Variants in VCL observed in about 807,000 individuals in gnomAD.
VCL encodes the protein epididymis luminal protein 114.
VCL carries 47 observed loss-of-function variants against 125.7 expected under a neutral mutation model. That is an observed-to-expected ratio of 0.37 (90% CI 0.30 to 0.48). VCL has a LOEUF of 0.48. VCL is among the 20% of genes least tolerant of loss of function. The pLI is 0.99. For synonymous variants in VCL, 458 were observed against 514.6 expected (o/e 0.89, Z 1.49); for missense variants, 1,069 against 1,455.5 (o/e 0.73, Z 4.32).
At chr10:74,023,832 C>G (rs1840719633) in intron 1 of VCL, among the ~76,000 whole-genome samples, 1 of 152,164 alleles carries the variant, frequency 6.6e-6, no homozygotes, top group African/African-American at 2.4e-5. Context: ...ATTGCTGGAG[C>G]TGGTTTACAG....
intron 1 of VCL, among the ~76,000 whole-genome samples, chr10:74,018,492 C>A (rs1840602444): frequency 1.3e-5 from 2 of 151,996 alleles, no homozygotes; most frequent in Admixed American, 1.3e-4. Flanking sequence ...GAAGTTCATT[C>A]CACTTTAGAG....
chr10:74,041,997 T>C (rs1841102311), intron 1 of VCL, among the ~76,000 whole-genome samples: 1 of 152,260 alleles, frequency 6.6e-6, no homozygotes, highest in Non-Finnish European at 1.5e-5. Context: ...TTCAGGAAAT[T>C]AGAAAATAGG....
At chr10:74,005,879 T>A (rs1015650749) in intron 1 of VCL, among the ~76,000 whole-genome samples, 6 of 152,050 alleles carry the variant, frequency 3.9e-5, no homozygotes, top group African/African-American at 1.4e-4. Flanking sequence ...GTTTTTTATT[T>A]TTATTTTTAT....
At chr10:74,031,793 G>A (rs760457914) in intron 1 of VCL, among the ~76,000 whole-genome samples, 2 of 151,776 alleles carry the variant, frequency 1.3e-5, no homozygotes, top group Admixed American at 1.3e-4. Flanking sequence ...GGCCCGGCAC[G>A]GTGGCTCATG....
intron 20 of VCL, 51 bp downstream of exon 20, chr10:74,114,438 C>A: frequency 9.3e-7 from 1 of 1,078,562 alleles, no homozygotes. Context: ...TGTGTGTGTG[C>A]GTGTGTGTGT....
chr10:74,094,555 A>AAAGAACCCTTACCTAATT, intron 11 of VCL, 94 bp downstream of exon 11: 1 of 1,445,532 alleles, frequency 6.9e-7, no homozygotes, highest in Non-Finnish European at 9.5e-7. Flanking sequence ...GTAATTAGGT[A>AAAGAACCCTTACCTAATT]AGGGTTCTTT....
Position 74,029,610 on chromosome 10 carries a change from T to C in VCL, c.169-13473T>C, listed in dbSNP as rs191342610. Among the ~76,000 whole-genome samples the C allele has an allele frequency of 2.0e-5, 3 of 152,208 alleles. No individual in the cohort carries two copies. In the East Asian group the frequency reaches 5.8e-4, roughly 29 times the overall value. ...AGCTTAACATTGGTTCTAAGGAAAC[T>C]ATGTGGCATCAGATAAGCTTGCTTG... On this transcript the variant is annotated intron_variant, in intron 1 of 21. Coordinates refer to ENST00000211998, the MANE Select transcript of VCL (RefSeq NM_014000.3).
At chr10:74,093,047 A>G (rs1029380152) in intron 10 of VCL, among the ~76,000 whole-genome samples, 1 of 152,192 alleles carries the variant, frequency 6.6e-6, no homozygotes, top group Non-Finnish European at 1.5e-5. Flanking sequence ...CTGTAATCCT[A>G]GCACTTTGGG....
At chr10:74,043,578 C>T (rs796414315) in intron 2 of VCL, among the ~76,000 whole-genome samples, 1 of 151,994 alleles carries the variant, frequency 6.6e-6, no homozygotes, top group South Asian at 2.1e-4. Context: ...AACTTCCGAC[C>T]TCAGGTGATC....
chr10:74,033,472 G>A (rs928182211), intron 1 of VCL, among the ~76,000 whole-genome samples: 3 of 152,100 alleles, frequency 2.0e-5, no homozygotes, highest in African/African-American at 4.8e-5. Context: ...CTGTCTTAAC[G>A]ACACCATTAA....
intron 7 of VCL, 117 bp downstream of exon 7, chr10:74,082,661 G>T (rs1839696383): frequency 9.5e-7 from 1 of 1,049,480 alleles, no homozygotes; most frequent in Non-Finnish European, 1.5e-6. Flanking sequence ...TAACATTATG[G>T]GGCATACCCC....
intron 1 of VCL, among the ~76,000 whole-genome samples, chr10:74,040,310 C>T (rs962337244): frequency 1.3e-5 from 2 of 152,112 alleles, no homozygotes; most frequent in Non-Finnish European, 2.9e-5. Flanking sequence ...GTACCTGGCT[C>T]ATGTTGTTGT....
At chr10:74,015,309 T>C (rs1228131508) in intron 1 of VCL, among the ~76,000 whole-genome samples, 2 of 152,246 alleles carry the variant, frequency 1.3e-5, no homozygotes, top group Admixed American at 6.5e-5. Context: ...TCCCAGCACT[T>C]TGGGGGGCCC....
At chr10:74,015,727 C>T (rs757267143) in intron 1 of VCL, among the ~76,000 whole-genome samples, 2 of 151,096 alleles carry the variant, frequency 1.3e-5, no homozygotes, top group Non-Finnish European at 1.5e-5. Context: ...CTCTGTTGCC[C>T]AGGCTAGAGT....
At chr10:74,108,913 G>T (rs1840177598) in intron 17 of VCL, 58 bp from the exon 18 acceptor site, 4 of 1,604,738 alleles carry the variant, frequency 2.5e-6, no homozygotes, top group Admixed American at 1.7e-5. Flanking sequence ...AGAAAGGAAA[G>T]AATTCCAGGG....
intron 18 of VCL, among the ~76,000 whole-genome samples, chr10:74,111,322 GA>G (rs1160604928): frequency 6.6e-6 from 1 of 152,148 alleles, no homozygotes; most frequent in Non-Finnish European, 1.5e-5. Context: ...CGTTACCTCT[GA>G]TGTATCATTT....
intron 2 of VCL, among the ~76,000 whole-genome samples, chr10:74,065,876 G>C (rs1041879154): frequency 1.3e-5 from 2 of 151,650 alleles, no homozygotes; most frequent in Non-Finnish European, 2.9e-5. Context: ...TTTATTTTCT[G>C]TAATTTAGTA....
At chr10:74,017,477 A>G (rs1038721185) in intron 1 of VCL, among the ~76,000 whole-genome samples, 3 of 151,580 alleles carry the variant, frequency 2.0e-5, no homozygotes, top group Admixed American at 6.6e-5. Flanking sequence ...CTATTTCATC[A>G]TATGTTTAAT....
chr10:74,037,177 A>G (rs1840996367), intron 1 of VCL, among the ~76,000 whole-genome samples: 1 of 151,848 alleles, frequency 6.6e-6, no homozygotes, highest in African/African-American at 2.4e-5. Flanking sequence ...CTTGTGATCT[A>G]CCCACTTACG....
Sources: gnomAD v4.1 joint callset for allele counts (sites outside exome capture counted in the v4.1 genomes callset) on GRCh38, gnomAD v4.1.1 for gene constraint, MANE v1.5 for transcripts, NCBI Gene and HGNC (gene_info 2026-07-23, HGNC 2026-07-21) for gene names.